UTP20: variants seen among roughly 807,000 people sequenced by gnomAD.
The protein encoded by UTP20 is small subunit processome component 20 homolog.
UTP20 carries 164 observed loss-of-function variants against 329.5 expected under a neutral mutation model. The observed-to-expected ratio is 0.50, with a 90% confidence interval of 0.44 to 0.57. UTP20 has a LOEUF of 0.57. Ranked by LOEUF, UTP20 falls within the 20% of genes least tolerant of loss-of-function variation. UTP20 has a pLI of 0.00. For synonymous variants in UTP20, 1,151 were observed against 1,159.3 expected, an observed-to-expected ratio of 0.99 and a Z score of 0.14; for missense variants, 3,055 against 3,284.2, an observed-to-expected ratio of 0.93 and a Z score of 1.71.
rs534359420 is a variant in UTP20, at chr12:101,374,495, G to A, written c.7132-313G>A. Among the ~76,000 whole-genome samples the A allele has an allele frequency of 3.3e-5, 5 of 152,190 alleles. No homozygotes were observed. In the South Asian group the frequency reaches 1.0e-3, roughly 32 times the overall value. On this transcript the variant is annotated intron_variant, in intron 54 of 61. Transcript: ENST00000261637. ...GCCCTGTGTTAATGAGTAACTTGTT[G>A]CATACCCACTTAATGTGGGGTGGGC...
At chr12:101,360,612 G>A (rs1869879916) in intron 43 of UTP20, among the ~76,000 whole-genome samples, 1 of 152,120 alleles carries the variant, frequency 6.6e-6, no homozygotes, top group Admixed American at 6.6e-5. Flanking sequence ...ATCACTTGAG[G>A]TCAGGAGTTC....
intron 61 of UTP20, 56 bp downstream of exon 61, chr12:101,385,784 G>A (rs1045870992): frequency 6.4e-7 from 1 of 1,565,532 alleles, no homozygotes; most frequent in Non-Finnish European, 8.6e-7. Flanking sequence ...ACTACTAAGT[G>A]TGCATGTTTG....
intron 48 of UTP20, 25 bp downstream of exon 48, chr12:101,368,001 T>C (rs750355311): frequency 1.8e-5 from 27 of 1,460,648 alleles, no homozygotes; most frequent in Non-Finnish European, 2.3e-5. Context: ...GCACTCTGCA[T>C]TGGAGCATTT....
chr12:101,361,702 T>A (rs1275472577), intron 43 of UTP20, among the ~76,000 whole-genome samples: 2 of 152,150 alleles, frequency 1.3e-5, no homozygotes, highest in Non-Finnish European at 2.9e-5. Flanking sequence ...TGTGCCTTTC[T>A]TTATAAATCA....
intron 15 of UTP20, among the ~76,000 whole-genome samples, chr12:101,305,614 T>G (rs1408553929): frequency 7.5e-6 from 1 of 133,292 alleles, no homozygotes; most frequent in African/African-American, 3.6e-5. Context: ...ATAAATATTA[T>G]ATATATATAT....
chr12:101,382,925 C>T, intron 58 of UTP20, 116 bp from the exon 59 acceptor site: 2 of 1,245,368 alleles, frequency 1.6e-6, no homozygotes, highest in South Asian at 1.7e-5. Context: ...GTTGTAATAC[C>T]TAGTTTGTTT....
intron 27 of UTP20, among the ~76,000 whole-genome samples, chr12:101,331,882 A>G (rs1868771858): frequency 6.7e-6 from 1 of 149,708 alleles, no homozygotes; most frequent in South Asian, 2.1e-4. Flanking sequence ...ATCTTCTCCC[A>G]TTTGTTTTTT....
intron 35 of UTP20, 82 bp from the exon 36 acceptor site, chr12:101,344,513 G>A: frequency 1.3e-6 from 1 of 742,784 alleles, no homozygotes; most frequent in Non-Finnish European, 2.3e-6. Flanking sequence ...ACAGAATTTT[G>A]TAGATGCTTG....
At chr12:101,384,259 A>T (rs922946227) in intron 60 of UTP20, among the ~76,000 whole-genome samples, 1 of 152,226 alleles carries the variant, frequency 6.6e-6, no homozygotes, top group African/African-American at 2.4e-5. Context: ...TAAAAATTAT[A>T]GGCTGGGCGT....
At chr12:101,361,836 G>A (rs1252591802) in intron 43 of UTP20, 126 bp from the exon 44 acceptor site, 11 of 712,246 alleles carry the variant, frequency 1.5e-5, no homozygotes, top group South Asian at 3.4e-5. Flanking sequence ...GTCATTTGTC[G>A]AAGCTTCTCC....
chr12:101,306,979 C>T (rs2137248339), intron 17 of UTP20, among the ~76,000 whole-genome samples: 1 of 152,080 alleles, frequency 6.6e-6, no homozygotes, highest in Non-Finnish European at 1.5e-5. Context: ...TGAGACCATA[C>T]TGGCTAACAT....
At chr12:101,306,345 A>T (rs576512397) in intron 16 of UTP20, among the ~76,000 whole-genome samples, 1 of 152,108 alleles carries the variant, frequency 6.6e-6, no homozygotes, top group South Asian at 2.1e-4. Flanking sequence ...TAAGTCTTCT[A>T]GGTGGTTCTC....
At chr12:101,321,356 T>C (rs1868368398) in intron 24 of UTP20, 148 bp from the exon 25 acceptor site, 5 of 1,149,654 alleles carry the variant, frequency 4.3e-6, no homozygotes, top group Non-Finnish European at 5.9e-6. Flanking sequence ...TTAGGAGATT[T>C]TTTTGAGGAT....
chr12:101,361,772 T>C (rs140964693), intron 43 of UTP20, among the ~76,000 whole-genome samples, 190 bp from the exon 44 acceptor site: 29 of 152,294 alleles, frequency 1.9e-4, no homozygotes, highest in African/African-American at 5.1e-4. Flanking sequence ...CTGAACACCT[T>C]TGGTACAAAG....
At chr12:101,379,237 G>A in intron 56 of UTP20, 134 bp from the exon 57 acceptor site, 1 of 695,910 alleles carries the variant, frequency 1.4e-6, no homozygotes, top group Non-Finnish European at 2.3e-6. Context: ...CCACTTCCCA[G>A]CCATTGGCTT....
chr12:101,305,942 G>A lies in UTP20; in HGVS notation c.1809G>A (p.Leu603=). ...VLTFPLEPSV[L]LLTDLYYQRL... ...CCTTTCCCCTGGAGCCATCTGTGTT[G>A]CTGTTGACTGATCTCTATTATCAGA... Residue 603 remains leucine, a synonymous_variant, in exon 16 of 62, where the codon TTG becomes TTA. Transcript: ENST00000261637. The A allele has an allele frequency of 6.2e-7, 1 of 1,611,760 alleles. No homozygotes were observed. The highest frequency in any genetic ancestry group is 8.5e-7 in the Non-Finnish European group (1 of 1,178,698).
At chr12:101,369,664 G>C in intron 48 of UTP20, 57 bp from the exon 49 acceptor site, 1 of 842,198 alleles carries the variant, frequency 1.2e-6, no homozygotes, top group Non-Finnish European at 2.1e-6. Context: ...CTCAGGTGCT[G>C]CATAGTTGGA....
Position 101,373,387 on chromosome 12 carries a change from T to A in UTP20, c.6879-14T>A. The A allele has an allele frequency of 6.2e-7, 1 of 1,612,100 alleles. No individual in the cohort carries two copies. The highest frequency in any genetic ancestry group is 8.5e-7 in the Non-Finnish European group (1 of 1,178,184). ...AGAAGATACTAACAAATCCACCTAA[T>A]GTCCTTCCCCTAGTTACGAACATGA... On this transcript the variant is annotated splice_polypyrimidine_tract_variant and intron_variant, in intron 52 of 61. Coordinates refer to ENST00000261637, the MANE Select transcript of UTP20 (RefSeq NM_014503.3).
chr12:101,319,825 C>T (rs1309085542), intron 23 of UTP20, among the ~76,000 whole-genome samples, 190 bp downstream of exon 23: 1 of 151,594 alleles, frequency 6.6e-6, no homozygotes, highest in African/African-American at 2.4e-5. Flanking sequence ...TTAGCACTAA[C>T]TTAGCTGATT....
Sources: gnomAD v4.1 joint callset for allele counts (sites outside exome capture counted in the v4.1 genomes callset) on GRCh38, gnomAD v4.1.1 for gene constraint, MANE v1.5 for transcripts, NCBI Gene and HGNC (gene_info 2026-07-23, HGNC 2026-07-21) for gene names.